The following MAPK10 variants were observed in gnomAD, a reference collection of about 807,000 sequenced individuals.
The protein encoded by MAPK10 is JNK3 alpha protein kinase.
In MAPK10, 25 loss-of-function variants were observed where a neutral mutation model predicts 59.3. The observed-to-expected ratio is 0.42, with a 90% CI of 0.31 to 0.59. The LOEUF is 0.59. Ranked by LOEUF, MAPK10 falls within the 20% of genes least tolerant of loss-of-function variation. MAPK10 has a pLI of 0.15. For missense variants in MAPK10, 351 were observed against 568.9 expected (o/e 0.62, Z 3.90); for synonymous variants, 190 against 200.5 (o/e 0.95, Z 0.44).
At chr4:86,581,899 TTATATATATATATATATATATATATATA>T (rs67303972) in intron 1 of MAPK10, among the ~76,000 whole-genome samples, 21 of 91,586 alleles carry the variant, frequency 2.3e-4, no homozygotes, top group African/African-American at 5.8e-4. Flanking sequence ...GCTATATATA[TTATATATATATATATATATATATATATA>T]TATATATATA....
At chr4:86,379,869 T>C (rs1278703313) in intron 1 of MAPK10, among the ~76,000 whole-genome samples, 1 of 152,188 alleles carries the variant, frequency 6.6e-6, no homozygotes, top group Non-Finnish European at 1.5e-5. Flanking sequence ...TGTGTGTGTC[T>C]TTAATTCCTC....
chr4:86,515,156 A>T (rs1448424341), intron 1 of MAPK10, among the ~76,000 whole-genome samples: 1 of 152,216 alleles, frequency 6.6e-6, no homozygotes, highest in Non-Finnish European at 1.5e-5. Flanking sequence ...AATTCCAACC[A>T]TGTTGCTGCA....
At chr4:86,059,804 T>G (rs1392013532) in intron 11 of MAPK10, among the ~76,000 whole-genome samples, 1 of 152,100 alleles carries the variant, frequency 6.6e-6, no homozygotes, top group Non-Finnish European at 1.5e-5. Context: ...TGGTCTACAT[T>G]ATAGCTGGAG....
chr4:86,143,442 G>C (rs1277862623), intron 4 of MAPK10, among the ~76,000 whole-genome samples: 1 of 152,172 alleles, frequency 6.6e-6, no homozygotes, highest in African/African-American at 2.4e-5. Context: ...ACACTGTCAG[G>C]ATTCCTGTGT....
intron 1 of MAPK10, among the ~76,000 whole-genome samples, chr4:86,549,275 C>T (rs1017099223): frequency 1.3e-5 from 2 of 152,132 alleles, no homozygotes; most frequent in Non-Finnish European, 2.9e-5. Context: ...ATTGTTAAGA[C>T]AATTTTGTCC....
At chr4:86,308,680 T>C (rs1681949047) in intron 2 of MAPK10, 1 of 152,204 alleles carries the variant, frequency 6.6e-6, no homozygotes, top group South Asian at 2.1e-4. Flanking sequence ...CGTCGGGCTT[T>C]TAGCTTAGTT....
intron 2 of MAPK10, among the ~76,000 whole-genome samples, chr4:86,228,650 G>A (rs895400367): frequency 6.6e-5 from 10 of 152,154 alleles, no homozygotes; most frequent in East Asian, 1.9e-4. Flanking sequence ...ATATTTATAA[G>A]TGTATCTTAT....
At chr4:86,093,493 T>C (rs2149055290) in intron 9 of MAPK10, among the ~76,000 whole-genome samples, 1 of 152,064 alleles carries the variant, frequency 6.6e-6, no homozygotes, top group South Asian at 2.1e-4. Flanking sequence ...TCTTTTAAAA[T>C]TAGTTAACTA....
At chr4:86,350,284 G>A (rs575396646) in intron 2 of MAPK10, among the ~76,000 whole-genome samples, 6 of 151,750 alleles carry the variant, frequency 4.0e-5, no homozygotes, top group East Asian at 1.9e-4. Flanking sequence ...GCACGATCGC[G>A]GCTCACTGCA....
chr4:86,194,079 A>G, intron 3 of MAPK10: 1 of 441,012 alleles, frequency 2.3e-6, no homozygotes, highest in Non-Finnish European at 4.1e-6. Flanking sequence ...GGCTGCACCC[A>G]CTCTCTAACC....
chr4:86,283,338 A>T (rs2094886430), intron 2 of MAPK10, among the ~76,000 whole-genome samples: 3 of 152,246 alleles, frequency 2.0e-5, no homozygotes, highest in Admixed American at 6.5e-5. Context: ...TAAATAAAAC[A>T]AAGCTGATCA....
intron 1 of MAPK10, among the ~76,000 whole-genome samples, chr4:86,490,561 T>C (rs1167693236): frequency 6.6e-6 from 1 of 152,226 alleles, no homozygotes; most frequent in Non-Finnish European, 1.5e-5. Flanking sequence ...CTCCCTTCTA[T>C]TTTGATCTCT....
intron 1 of MAPK10, among the ~76,000 whole-genome samples, chr4:86,525,067 A>C (rs1757377596): frequency 6.6e-6 from 1 of 152,056 alleles, no homozygotes; most frequent in Non-Finnish European, 1.5e-5. Context: ...GGAGGCTGAC[A>C]CGGGCAGATC....
intron 1 of MAPK10, among the ~76,000 whole-genome samples, chr4:86,539,043 T>C (rs1427356876): frequency 6.6e-6 from 1 of 152,140 alleles, no homozygotes; most frequent in Non-Finnish European, 1.5e-5. Flanking sequence ...TCAATCCCCA[T>C]CAGTGTTGTA....
At chr4:86,164,560 A>T (rs1230137922) in intron 3 of MAPK10, 1 of 152,168 alleles carries the variant, frequency 6.6e-6, no homozygotes, top group Non-Finnish European at 1.5e-5. Context: ...TCTTTATATA[A>T]TAAACCTGAA....
intron 2 of MAPK10, among the ~76,000 whole-genome samples, chr4:86,345,269 G>C (rs1173631378): frequency 6.6e-6 from 1 of 152,130 alleles, no homozygotes; most frequent in Admixed American, 6.6e-5. Flanking sequence ...ACTTGGATGA[G>C]ACCGCTTAGG....
intron 5 of MAPK10, among the ~76,000 whole-genome samples, chr4:86,104,929 A>G (rs545390257): frequency 2.8e-4 from 43 of 152,166 alleles, no homozygotes; most frequent in African/African-American, 1.0e-3. Context: ...GTAGAAGGAG[A>G]TTATCACAGC....
chr4:86,472,097 T>C (rs1752703330), intron 1 of MAPK10, among the ~76,000 whole-genome samples: 1 of 152,222 alleles, frequency 6.6e-6, no homozygotes, highest in African/African-American at 2.4e-5. Context: ...TTATTTCAGC[T>C]GATTTAATCT....
rs74616107 is a variant in MAPK10, at chr4:86,428,765, A to G, written c.-122+24265T>C. ...ACATTTCACAATTTCTTTTTTTAAC[A>G]CAAATTCTCCTCACCCACAAGGCAT... On this transcript the variant is annotated intron_variant, in intron 1 of 13. Coordinates refer to the MAPK10 transcript ENST00000361569. Among the ~76,000 whole-genome samples, 150 of 152,322 alleles carry G rather than the reference A, an allele frequency of 9.8e-4. 1 individual carries two copies. Among genetic ancestry groups the G allele is most frequent in the East Asian group, 2.7e-3 (14 of 5,180 alleles).
Sources: allele counts gnomAD v4.1 joint callset (sites outside exome capture counted in the v4.1 genomes callset), GRCh38; gene constraint gnomAD v4.1.1; transcripts MANE v1.5; gene names NCBI Gene and HGNC (gene_info 2026-07-23, HGNC 2026-07-21).